The following FOXP1 variants were observed in gnomAD, a reference collection of about 807,000 sequenced individuals.
FOXP1 encodes forkhead box P1, also known as forkhead box protein P1.
In FOXP1, 15 loss-of-function variants were observed where a neutral mutation model predicts 98.2. The ratio of observed to expected loss-of-function variants is 0.15; its 90% CI spans 0.10 to 0.24. The LOEUF is 0.24. Ranked by LOEUF, FOXP1 falls within the 10% of genes least tolerant of loss-of-function variation. FOXP1 has a pLI of 1.00. For missense variants in FOXP1, 633 were observed against 848.5 expected, an observed-to-expected ratio of 0.75 and a Z score of 3.15; for synonymous variants, 371 against 314.5, an observed-to-expected ratio of 1.18 and a Z score of -1.90.
chr3:71,302,106 C>T (rs2073894782), intron 4 of FOXP1, among the ~76,000 whole-genome samples: 1 of 152,198 alleles, frequency 6.6e-6, no homozygotes. Flanking sequence ...ATTGGCCACT[C>T]ATTAATTTAT....
intron 14 of FOXP1, among the ~76,000 whole-genome samples, chr3:70,984,715 T>C (rs1261111122): frequency 6.6e-6 from 1 of 152,082 alleles, no homozygotes; most frequent in Non-Finnish European, 1.5e-5. Context: ...TTTAAAGAGA[T>C]GTGATAGCAA....
chr3:71,360,008 G>T (rs1353707483), intron 3 of FOXP1, among the ~76,000 whole-genome samples: 1 of 152,082 alleles, frequency 6.6e-6, no homozygotes, highest in Non-Finnish European at 1.5e-5. Context: ...GGCCAGGCTG[G>T]TCTCAAATTC....
chr3:71,536,389 C>A (rs1212416117), intron 2 of FOXP1, among the ~76,000 whole-genome samples: 1 of 152,154 alleles, frequency 6.6e-6, no homozygotes, highest in Non-Finnish European at 1.5e-5. Context: ...TTCACCTCCA[C>A]ACCCCAGTCA....
chr3:71,135,601 G>A (rs1368192350), intron 6 of FOXP1, among the ~76,000 whole-genome samples: 1 of 152,112 alleles, frequency 6.6e-6, no homozygotes, highest in African/African-American at 2.4e-5. Flanking sequence ...CTTGTTCACC[G>A]CCAGCTTAAC....
At chr3:71,378,005 G>GT (rs947471555) in intron 3 of FOXP1, among the ~76,000 whole-genome samples, 1 of 143,330 alleles carries the variant, frequency 7.0e-6, no homozygotes, top group African/African-American at 2.6e-5. Context: ...CCTGTTTTTT[G>GT]TTTTTTGTTT....
intron 3 of FOXP1, among the ~76,000 whole-genome samples, chr3:71,457,605 A>C (rs997049237): frequency 2.6e-5 from 4 of 152,216 alleles, no homozygotes; most frequent in African/African-American, 9.6e-5. Flanking sequence ...GTGCTTTTGC[A>C]GATTCGCATT....
chr3:71,460,095 G>A (rs919136531), intron 3 of FOXP1, among the ~76,000 whole-genome samples: 4 of 151,286 alleles, frequency 2.6e-5, no homozygotes, highest in Admixed American at 1.3e-4. Context: ...CACCATGCAC[G>A]GCTAATTTTT....
At chr3:71,055,280 G>C (rs761171372) in intron 7 of FOXP1, among the ~76,000 whole-genome samples, 21 of 152,104 alleles carry the variant, frequency 1.4e-4, no homozygotes, top group Admixed American at 3.9e-4. Flanking sequence ...TGTTGTTGTG[G>C]GCTTGTTTCA....
chr3:70,996,158 G>T (rs937785878), intron 13 of FOXP1, among the ~76,000 whole-genome samples: 1 of 152,090 alleles, frequency 6.6e-6, no homozygotes, highest in African/African-American at 2.4e-5. Flanking sequence ...GGCTAATTTT[G>T]TGTTTTTAGA....
chr3:70,990,250 C>G lies in FOXP1; in HGVS notation c.1063-2173G>C, dbSNP rs568591028. Among the ~76,000 whole-genome samples, 50 of 152,270 alleles carry G rather than the reference C, an allele frequency of 3.3e-4. 1 individual carries two copies. Among genetic ancestry groups the G allele is most frequent in the African/African-American group, 1.2e-3 (48 of 41,564 alleles). ...CTTGAATGAGTTTTAGACTTTAAAT[C>G]AATTACAGCTCTAACACAAACTGTT... is the stretch of plus-strand genomic sequence containing the variant. On this transcript the variant is annotated intron_variant, in intron 13 of 20. Coordinates refer to ENST00000649528, the MANE Select transcript of FOXP1 (RefSeq NM_001349338.3).
chr3:71,175,339 C>G (rs1234689501), intron 6 of FOXP1, among the ~76,000 whole-genome samples: 1 of 152,182 alleles, frequency 6.6e-6, no homozygotes, highest in Non-Finnish European at 1.5e-5. Context: ...AAGTGTGTCT[C>G]TTTTTTGCAC....
intron 3 of FOXP1, among the ~76,000 whole-genome samples, chr3:71,448,991 T>C (rs1395393059): frequency 6.6e-6 from 1 of 152,174 alleles, no homozygotes; most frequent in Non-Finnish European, 1.5e-5. Flanking sequence ...AAGAACAAAA[T>C]GCGTGTTATG....
intron 3 of FOXP1, among the ~76,000 whole-genome samples, chr3:71,406,808 A>G (rs2082378120): frequency 6.6e-6 from 1 of 152,106 alleles, no homozygotes; most frequent in Admixed American, 6.5e-5. Context: ...CAAAAATGAC[A>G]CATTCTGACA....
intron 2 of FOXP1, among the ~76,000 whole-genome samples, chr3:71,494,744 A>G (rs551536094): frequency 7.9e-5 from 12 of 152,242 alleles, no homozygotes; most frequent in Admixed American, 5.9e-4. Flanking sequence ...AGTGGGCCTG[A>G]GATTCTGCAT....
At chr3:71,384,321 C>T (rs781268697) in intron 3 of FOXP1, among the ~76,000 whole-genome samples, 1 of 152,172 alleles carries the variant, frequency 6.6e-6, no homozygotes, top group Non-Finnish European at 1.5e-5. Flanking sequence ...TAAACTTCCA[C>T]GGTCTGTGTG....
intron 5 of FOXP1, among the ~76,000 whole-genome samples, chr3:71,203,750 T>C (rs899369425): frequency 1.3e-5 from 2 of 152,178 alleles, no homozygotes; most frequent in African/African-American, 4.8e-5. Context: ...TAAAATATGT[T>C]TCTATTTCTA....
In FOXP1 at chr3:70,956,732, G is replaced by GTTTT. The variant is rs142956636; in HGVS notation, c.*2511_*2514dup. On this transcript the variant is annotated 3_prime_UTR_variant, in exon 21 of 21. Transcript: ENST00000649528. ...GCACATCATGAAGCTGCCTGGAAAA[G>GTTTT]TTTTTTTTTTTTTTTTTTTTTTTTT... is the stretch of plus-strand genomic sequence containing the variant. 7.0e-3 allele frequency: 231 copies of GTTTT among 32,804 alleles called. 36 individuals carry two copies. Among genetic ancestry groups the GTTTT allele is most frequent in the South Asian group, 9.6e-3 (7 of 732 alleles). 2.0% of individuals were successfully genotyped at this position (32,804 alleles called of 1,614,324 possible).
chr3:71,144,565 T>C (rs1049951941), intron 6 of FOXP1, among the ~76,000 whole-genome samples: 6 of 152,116 alleles, frequency 3.9e-5, no homozygotes, highest in Admixed American at 1.3e-4. Context: ...CTGAGCGTGA[T>C]TGTGCCCTGC....
chr3:71,232,157 T>C (rs556735361), intron 5 of FOXP1, among the ~76,000 whole-genome samples: 1 of 152,214 alleles, frequency 6.6e-6, no homozygotes, highest in Non-Finnish European at 1.5e-5. Context: ...AAAAAGAATC[T>C]GATAGTATCA....
Sources: allele counts gnomAD v4.1 joint callset (sites outside exome capture counted in the v4.1 genomes callset), GRCh38; gene constraint gnomAD v4.1.1; transcripts MANE v1.5; gene names NCBI Gene and HGNC (gene_info 2026-07-23, HGNC 2026-07-21).